The following MIA2 variants were observed in gnomAD, a reference collection of about 807,000 sequenced individuals.
The protein encoded by MIA2 is melanoma inhibitory activity protein 2.
Under a neutral mutation model 167.8 loss-of-function variants are expected in MIA2, and 127 were observed. The ratio of observed to expected loss-of-function variants is 0.76; its 90% confidence interval spans 0.66 to 0.88. MIA2 has a LOEUF of 0.88. Among genes scored for constraint, MIA2 ranks in the 40% least tolerant of loss-of-function variants. The pLI, the probability that MIA2 is intolerant of heterozygous loss-of-function variation, is 0.00. For synonymous variants in MIA2, 552 were observed against 541.9 expected (o/e 1.02, Z -0.26); for missense variants, 1,690 against 1,624.7 (o/e 1.04, Z -0.69).
chr14:39,321,092 C>G, intron 24 of MIA2, 36 bp downstream of exon 24: 6 of 1,569,376 alleles, frequency 3.8e-6, no homozygotes, highest in Non-Finnish European at 5.2e-6. Flanking sequence ...CTCTAGATTT[C>G]TTCCTTACTT....
intron 23 of MIA2, among the ~76,000 whole-genome samples, chr14:39,365,003 G>T (rs1048492575): frequency 2.0e-5 from 3 of 151,772 alleles, no homozygotes; most frequent in African/African-American, 7.3e-5. Context: ...TGTTATATGT[G>T]AGAACTTTTC....
chr14:39,255,267 G>T (rs1453509345), intron 6 of MIA2, among the ~76,000 whole-genome samples: 1 of 152,170 alleles, frequency 6.6e-6, no homozygotes, highest in African/African-American at 2.4e-5. Context: ...CAGCACTTTG[G>T]GAGGCCAAAG....
intron 25 of MIA2, among the ~76,000 whole-genome samples, chr14:39,327,803 T>C (rs1480909438): frequency 1.3e-5 from 2 of 152,158 alleles, no homozygotes; most frequent in Non-Finnish European, 2.9e-5. Context: ...ATGAACTCAT[T>C]CTTTTTTATG....
At chr14:39,262,546 G>C (rs1470271246) in intron 6 of MIA2, among the ~76,000 whole-genome samples, 3 of 152,290 alleles carry the variant, frequency 2.0e-5, no homozygotes, top group Admixed American at 6.5e-5. Context: ...TTCCAATTCT[G>C]TGAAGGAAGT....
At chr14:39,255,799 T>C (rs995187324) in intron 6 of MIA2, among the ~76,000 whole-genome samples, 1 of 152,250 alleles carries the variant, frequency 6.6e-6, no homozygotes, top group African/African-American at 2.4e-5. Flanking sequence ...CTTATTTTTG[T>C]GGACTCAGTA....
chr14:39,292,708 T>C, intron 10 of MIA2: 1 of 304,898 alleles, frequency 3.3e-6, no homozygotes, highest in Non-Finnish European at 6.4e-6. Context: ...ATATCAGAGG[T>C]ATGTTTATTA....
intron 14 of MIA2, among the ~76,000 whole-genome samples, chr14:39,301,129 C>T (rs1488672492): frequency 6.6e-6 from 1 of 151,866 alleles, no homozygotes; most frequent in Admixed American, 6.6e-5. Flanking sequence ...GGCACCATCT[C>T]GGCTCATTGC....
chr14:39,270,174 G>A (rs2056870766), intron 6 of MIA2, among the ~76,000 whole-genome samples: 1 of 150,388 alleles, frequency 6.6e-6, no homozygotes, highest in African/African-American at 2.4e-5. Context: ...TGGGTGTACA[G>A]GTGAGTGGTA....
Position 39,381,681 on chromosome 14 carries a change from TTTTC to T in MIA2, c.2249-5200_2249-5197del, listed in dbSNP as rs1195893153. ...TTTTGCTGGCTGTTTTTTTTTTTCTTTTTCTTTTTTTTCCCCAGCTGTGGGAATC... is the reference window on the plus strand; with the variant it reads ...TTTTGCTGGCTGTTTTTTTTTTTCTTTTTTTTTTCCCCAGCTGTGGGAATC... On this transcript the variant is annotated intron_variant, in intron 23 of 23. Coordinates refer to the MIA2 transcript ENST00000341502. Among the ~76,000 whole-genome samples, 52 of 132,568 alleles carry T rather than the reference TTTTC, an allele frequency of 3.9e-4. No homozygotes were observed. The East Asian group carries it at 5.4e-3, about 14-fold the overall frequency. 87.0% of individuals were successfully genotyped at this position (132,568 alleles called of 152,430 possible). A position where few individuals can be genotyped will look rare whatever the true frequency, so the allele number is the denominator to read the frequency against.
chr14:39,348,747 T>C lies in MIA2; in HGVS notation c.3842T>C (p.Leu1281Ser). 6.2e-7 allele frequency: 1 copy of C among 1,613,946 alleles called. No individual in the cohort carries two copies. The highest frequency in any genetic ancestry group is 8.5e-7 in the Non-Finnish European group (1 of 1,179,820). The change falls in exon 28 of 29, where the codon TTA becomes TCA. Residue 1281 changes from leucine to serine, a missense_variant. Transcript: ENST00000640607. ...RNDTKDDLGNLNVPDSSLPAE... is the reference protein window; with the variant it reads ...RNDTKDDLGNSNVPDSSLPAE... ...CCATATGTCAATTTGTTGTAGAATT[T>C]AAATGTGCCTGATTCATCTCTCCCT...
At chr14:39,249,078 A>G (rs1486348560) in intron 4 of MIA2, among the ~76,000 whole-genome samples, 2 of 152,168 alleles carry the variant, frequency 1.3e-5, no homozygotes, top group Non-Finnish European at 2.9e-5. Context: ...TGATTATTAA[A>G]TTAGATCTTA....
At chr14:39,272,579 C>A (rs1045925038) in intron 6 of MIA2, among the ~76,000 whole-genome samples, 19 of 152,256 alleles carry the variant, frequency 1.2e-4, no homozygotes, top group Admixed American at 9.8e-4. Flanking sequence ...TGCCTCCTGC[C>A]ACTCTCAAAA....
chr14:39,341,205 G>C (rs1297218115), intron 25 of MIA2, among the ~76,000 whole-genome samples: 1 of 152,110 alleles, frequency 6.6e-6, no homozygotes, highest in Non-Finnish European at 1.5e-5. Context: ...GGGAGGCTGA[G>C]GCAGGAGAAT....
chr14:39,385,548 A>C (rs2075258945), intron 23 of MIA2: 12 of 829,518 alleles, frequency 1.4e-5, no homozygotes, highest in Non-Finnish European at 2.4e-5. Context: ...AAACCAAATC[A>C]AATTTCCCAG....
At chr14:39,320,850 T>A in intron 23 of MIA2, 78 bp from the exon 24 acceptor site, 8 of 1,476,178 alleles carry the variant, frequency 5.4e-6, no homozygotes, top group Non-Finnish European at 6.5e-6. Context: ...CTGATGGTAA[T>A]TGTCGAAATG....
Position 39,252,836 on chromosome 14 carries a change from G to A in MIA2, c.1656G>A (p.Ser552=), listed in dbSNP as rs199674433. 44 of 1,613,906 alleles carry A rather than the reference G, an allele frequency of 2.7e-5. No individual in the cohort carries two copies. In the East Asian group the frequency reaches 4.9e-4, roughly 18 times the overall value. The part of the protein sequence containing the change: ...PSSSKDSDEN[S]KPSVDTEGPA... ...CTTCTAAAGATAGTGATGAAAATTC[G>A]AAACCATCAGTAGACACCGAAGGGC... Residue 552 remains serine (S), a synonymous_variant, in exon 5 of 29, where the codon TCG becomes TCA. Coordinates refer to ENST00000640607, the MANE Select transcript of MIA2 (RefSeq NM_001329214.4).
intron 23 of MIA2, among the ~76,000 whole-genome samples, chr14:39,357,968 C>G (rs758668317): frequency 8.5e-5 from 13 of 152,328 alleles, no homozygotes; most frequent in Admixed American, 1.3e-4. Context: ...CGACCTTTCT[C>G]TCTGGCTGCC....
At chr14:39,381,576 G>A (rs574924510) in intron 23 of MIA2, among the ~76,000 whole-genome samples, 5 of 151,956 alleles carry the variant, frequency 3.3e-5, no homozygotes, top group Non-Finnish European at 7.4e-5. Flanking sequence ...GGCGATGGCC[G>A]AAGCTCTTTC....
chr14:39,294,853 A>C, intron 12 of MIA2, 72 bp from the exon 13 acceptor site: 1 of 976,826 alleles, frequency 1.0e-6, no homozygotes, highest in Non-Finnish European at 1.6e-6. Flanking sequence ...TCTGTGTTCT[A>C]GGGAGTATGT....
Sources: gnomAD v4.1 joint callset for allele counts (sites outside exome capture counted in the v4.1 genomes callset) on GRCh38, gnomAD v4.1.1 for gene constraint, MANE v1.5 for transcripts, NCBI Gene and HGNC (gene_info 2026-07-23, HGNC 2026-07-21) for gene names.